The following DGKG variants were observed in gnomAD, a reference collection of about 807,000 sequenced individuals.
DGKG encodes diacylglycerol kinase gamma.
Under a neutral mutation model 105.3 loss-of-function variants are expected in DGKG, and 78 were observed. The observed-to-expected ratio is 0.74, with a 90% CI of 0.62 to 0.89. The LOEUF is 0.89. Ranked by LOEUF, DGKG falls within the 40% of genes least tolerant of loss-of-function variation. DGKG has a pLI of 0.00. For missense variants in DGKG, 958 were observed against 1,020.1 expected, an observed-to-expected ratio of 0.94 and a Z score of 0.83; for synonymous variants, 346 against 367.1, an observed-to-expected ratio of 0.94 and a Z score of 0.66.
Position 186,301,605 on chromosome 3 carries a change from T to C in DGKG, c.145-3376A>G, listed in dbSNP as rs557273340. On this transcript the variant is annotated intron_variant, in intron 3 of 24. Transcript: ENST00000265022. The stretch of plus-strand genomic sequence containing the variant: ...TGGCACCACTGCACCCCAGCCTGGG[T>C]GACAGAGCGAGACTCCGTCTCAAAG... Among the ~76,000 whole-genome samples, 199 of 152,340 alleles carry C rather than the reference T, an allele frequency of 1.3e-3. 2 individuals carry two copies. The South Asian group carries it at 0.026, about 20-fold the overall frequency.
At chr3:186,211,707 G>C in intron 21 of DGKG, 88 bp downstream of exon 21, 1 of 982,086 alleles carries the variant, frequency 1.0e-6, no homozygotes, top group Non-Finnish European at 1.6e-6. Context: ...CACCTCTTAA[G>C]GTCCCAAGAG....
intron 20 of DGKG, among the ~76,000 whole-genome samples, chr3:186,216,985 AT>A (rs1241131273): frequency 6.6e-6 from 1 of 152,146 alleles, no homozygotes; most frequent in African/African-American, 2.4e-5. Context: ...TGGGAACATT[AT>A]TTTCTACTCA....
At chr3:186,255,541 G>C (rs1424180874) in intron 17 of DGKG, among the ~76,000 whole-genome samples, 6 of 152,220 alleles carry the variant, frequency 3.9e-5, no homozygotes, top group African/African-American at 1.2e-4. Flanking sequence ...TTGTGTGAAG[G>C]CCCTGAGGTG....
At chr3:186,254,162 G>A (rs1440548577) in intron 17 of DGKG, among the ~76,000 whole-genome samples, 2 of 152,236 alleles carry the variant, frequency 1.3e-5, no homozygotes, top group African/African-American at 4.8e-5. Context: ...GGGGTGGGTG[G>A]GTATTTCCAT....
chr3:186,147,862 C>T lies in DGKG; in HGVS notation c.*2228G>A. The T allele has an allele frequency of 1.0e-6, 1 of 985,400 alleles. No homozygotes were observed. Among genetic ancestry groups the T allele is most frequent in the Non-Finnish European group, 1.2e-6 (1 of 829,934 alleles). The allele number at this position is 985,400 out of a possible 1,614,324, so 61.0% of individuals were successfully genotyped here. A position where few individuals can be genotyped will look rare whatever the true frequency, so the allele number is the denominator to read the frequency against. On this transcript the variant is annotated 3_prime_UTR_variant, in exon 25 of 25. Transcript: ENST00000265022. Reference sequence around the variant, plus strand: ...TTCCAAGATAGTACCTGTAGTAATTCTGGAGCTTGTTGGTCCCATCACCAA... The same window carrying T: ...TTCCAAGATAGTACCTGTAGTAATTTTGGAGCTTGTTGGTCCCATCACCAA...
chr3:186,243,110 C>T (rs776182341), intron 19 of DGKG, among the ~76,000 whole-genome samples: 5 of 151,922 alleles, frequency 3.3e-5, no homozygotes, highest in Non-Finnish European at 5.9e-5. Context: ...ATTGTCAAAA[C>T]CAGAAACCTG....
intron 24 of DGKG, among the ~76,000 whole-genome samples, chr3:186,156,839 T>C (rs2108472238): frequency 6.6e-6 from 1 of 152,210 alleles, no homozygotes; most frequent in East Asian, 1.9e-4. Flanking sequence ...ACTTAATATT[T>C]GTCCATTTTT....
intron 2 of DGKG, among the ~76,000 whole-genome samples, chr3:186,311,851 T>A (rs563299610): frequency 1.4e-5 from 2 of 146,906 alleles, no homozygotes; most frequent in Admixed American, 1.3e-4. Flanking sequence ...GCGCGGTGGC[T>A]CACGCCTGTA....
intron 14 of DGKG, among the ~76,000 whole-genome samples, chr3:186,262,774 G>A (rs895068459): frequency 1.3e-5 from 2 of 152,038 alleles, no homozygotes; most frequent in African/African-American, 4.8e-5. Context: ...GGGTCTGCTC[G>A]TGCTTGTTTC....
At chr3:186,322,472 G>T (rs1725125596) in intron 1 of DGKG, among the ~76,000 whole-genome samples, 1 of 152,030 alleles carries the variant, frequency 6.6e-6, no homozygotes, top group East Asian at 1.9e-4. Flanking sequence ...CTACCTACTG[G>T]GTACTATGCT....
At chr3:186,238,535 C>A (rs761059954) in intron 20 of DGKG, among the ~76,000 whole-genome samples, 6 of 152,154 alleles carry the variant, frequency 3.9e-5, no homozygotes, top group Admixed American at 2.0e-4. Context: ...GGGGCCACAT[C>A]TTATGTGCCC....
intron 24 of DGKG, among the ~76,000 whole-genome samples, chr3:186,152,567 T>G (rs1394951584): frequency 2.6e-5 from 4 of 152,208 alleles, no homozygotes; most frequent in African/African-American, 4.8e-5. Flanking sequence ...GTGGAAGTAC[T>G]GACTGATAAG....
intron 2 of DGKG, among the ~76,000 whole-genome samples, chr3:186,310,268 A>AAAAAAAAC (rs1724465182): frequency 2.1e-5 from 3 of 139,574 alleles, no homozygotes; most frequent in Admixed American, 6.9e-5. Flanking sequence ...TCCGTCTCAA[A>AAAAAAAAC]AAAAAAAAAA....
chr3:186,151,150 C>T (rs1242037123), intron 24 of DGKG, among the ~76,000 whole-genome samples: 1 of 152,206 alleles, frequency 6.6e-6, no homozygotes, highest in East Asian at 1.9e-4. Flanking sequence ...TAACATTTGT[C>T]TTATTTTCCT....
intron 2 of DGKG, among the ~76,000 whole-genome samples, chr3:186,318,157 C>T (rs1240154287): frequency 1.3e-5 from 2 of 152,186 alleles, no homozygotes; most frequent in African/African-American, 4.8e-5. Context: ...AGGCACCCTG[C>T]ACACAGTCTC....
At chr3:186,334,541 A>G (rs1181589589) in intron 1 of DGKG, among the ~76,000 whole-genome samples, 1 of 152,184 alleles carries the variant, frequency 6.6e-6, no homozygotes, top group Non-Finnish European at 1.5e-5. Context: ...AGCCCAGACA[A>G]TATGTCCCTG....
intron 22 of DGKG, among the ~76,000 whole-genome samples, chr3:186,181,819 T>G (rs1717370707): frequency 6.6e-6 from 1 of 152,244 alleles, no homozygotes; most frequent in Non-Finnish European, 1.5e-5. Flanking sequence ...GGAAAGTTGC[T>G]TTAATATCAG....
chr3:186,269,640 T>C (rs1722222894), intron 11 of DGKG, among the ~76,000 whole-genome samples: 2 of 152,110 alleles, frequency 1.3e-5, no homozygotes, highest in African/African-American at 4.8e-5. Flanking sequence ...GGGCACATGA[T>C]TAATATGTTT....
intron 20 of DGKG, among the ~76,000 whole-genome samples, chr3:186,219,793 T>C (rs76166107): frequency 0.016 from 2,483 of 152,310 alleles, 52 homozygotes; most frequent in South Asian, 0.068. Context: ...GGATGTATTT[T>C]ATTGTATAAC....
Sources: gnomAD v4.1 joint callset for allele counts (sites outside exome capture counted in the v4.1 genomes callset) on GRCh38, gnomAD v4.1.1 for gene constraint, MANE v1.5 for transcripts, NCBI Gene and HGNC (gene_info 2026-07-23, HGNC 2026-07-21) for gene names.